MAPK4: variants seen among roughly 807,000 people sequenced by gnomAD.
The protein encoded by MAPK4 is Erk3-related.
Under a neutral mutation model 47.7 loss-of-function variants are expected in MAPK4, and 22 were observed. That is an observed-to-expected ratio of 0.46 (90% CI 0.33 to 0.66). The LOEUF (loss-of-function observed/expected upper bound fraction) is 0.66, where lower values mean the gene tolerates loss of function less well. Among genes scored for constraint, MAPK4 ranks in the 30% least tolerant of loss-of-function variants. The probability of loss-of-function intolerance (pLI) is 0.02; values close to 1 mark genes in which losing one functional copy is unlikely to be tolerated. For missense variants in MAPK4, 736 were observed against 831.7 expected, an observed-to-expected ratio of 0.88 and a Z score of 1.42; for synonymous variants, 390 against 365.7, an observed-to-expected ratio of 1.07 and a Z score of -0.76.
intron 2 of MAPK4, among the ~76,000 whole-genome samples, chr18:50,667,236 C>T (rs1477631918): frequency 6.6e-6 from 1 of 152,210 alleles, no homozygotes; most frequent in African/African-American, 2.4e-5. Context: ...AGTCCCTTGG[C>T]CCCTTGAAAG....
intron 1 of MAPK4, among the ~76,000 whole-genome samples, chr18:50,645,550 A>AT (rs1020277349): frequency 6.6e-6 from 1 of 151,704 alleles, no homozygotes; most frequent in Non-Finnish European, 1.5e-5. Context: ...TCTTATTTTA[A>AT]TTTTTTTTTC....
rs748756367 is a variant in MAPK4, at chr18:50,664,058, G to A, written c.100G>A (p.Val34Met). 2 of 1,613,860 alleles carry A rather than the reference G, an allele frequency of 1.2e-6. No homozygotes were observed. Among genetic ancestry groups the A allele is most frequent in the Admixed American group, 1.7e-5 (1 of 60,026 alleles). Reference sequence around the variant, plus strand: ...CCTGGGCTTCGGTGTCAATGGTTTGGTGCTGTCGGCCGTGGACAGCCGGGC... The same window carrying A: ...CCTGGGCTTCGGTGTCAATGGTTTGATGCTGTCGGCCGTGGACAGCCGGGC... ...QPLGFGVNGL[V>M]LSAVDSRACR... Residue 34 changes from valine to methionine, a missense_variant, in exon 2 of 6, where the codon GTG becomes ATG. Physicochemically the swap from Val to Met is conservative, Grantham distance 21 (BLOSUM62 1). This residue lies in a region of MAPK4 where 327 missense variants were observed against 395.4 expected (regional missense o/e 0.83). Coordinates refer to ENST00000400384, the MANE Select transcript of MAPK4 (RefSeq NM_002747.4). The surrounding 1 kb of genome is among the most constrained non-coding windows in gnomAD (Gnocchi z 6.0).
At chr18:50,602,180 G>A (rs1184536557) in intron 1 of MAPK4, among the ~76,000 whole-genome samples, 1 of 152,148 alleles carries the variant, frequency 6.6e-6, no homozygotes, top group African/African-American at 2.4e-5. Flanking sequence ...GATCTTCCCA[G>A]AGAGTCACCA....
rs149603895 is a variant in MAPK4, at chr18:50,632,373, T to C, written c.-870-30716T>C. Reference sequence around the variant, plus strand: ...CAAATAATTAGATTTGCAAAGTTCTTTTGTGTTATGTCAGAATCTGTCATT... The same window carrying C: ...CAAATAATTAGATTTGCAAAGTTCTCTTGTGTTATGTCAGAATCTGTCATT... On this transcript the variant is annotated intron_variant, in intron 1 of 5. Coordinates refer to ENST00000400384, the MANE Select transcript of MAPK4 (RefSeq NM_002747.4). Among the ~76,000 whole-genome samples, 685 of 152,276 alleles carry C rather than the reference T, an allele frequency of 4.5e-3. 7 individuals carry two copies. Among genetic ancestry groups the C allele is most frequent in the African/African-American group, 0.016 (651 of 41,544 alleles).
At chr18:50,717,610 T>C (rs1277853754) in intron 3 of MAPK4, among the ~76,000 whole-genome samples, 1 of 151,906 alleles carries the variant, frequency 6.6e-6, no homozygotes, top group African/African-American at 2.4e-5. Flanking sequence ...GTGGCCCTTC[T>C]AGTATCCCCT....
chr18:50,664,651 A>G lies in MAPK4; in HGVS notation c.546+147A>G, dbSNP rs1466453132. 3.3e-6 allele frequency: 3 copies of G among 900,168 alleles called. No homozygotes were observed. In the African/African-American group the frequency reaches 5.0e-5, roughly 15 times the overall value. 55.8% of individuals were successfully genotyped at this position (900,168 alleles called of 1,614,324 possible). A position where few individuals can be genotyped will look rare whatever the true frequency, so the allele number is the denominator to read the frequency against. On this transcript the variant is annotated intron_variant, in intron 2 of 5. Coordinates refer to ENST00000400384, the MANE Select transcript of MAPK4 (RefSeq NM_002747.4). This position sits in a 1 kb window ranked among gnomAD's most constrained non-coding sequence, Gnocchi z 6.0. ...GCTGGAGGGTGCTAGGAAGATCACT[A>G]GCCTGAAAAGTTGTTGGAGGCGTGG...
chr18:50,590,093 C>A (rs912724105), intron 1 of MAPK4, among the ~76,000 whole-genome samples: 1 of 152,172 alleles, frequency 6.6e-6, no homozygotes, highest in South Asian at 2.1e-4. Context: ...GATCCAGTTC[C>A]TCTATTTCAG....
intron 1 of MAPK4, among the ~76,000 whole-genome samples, chr18:50,649,595 C>T (rs552820223): frequency 6.6e-6 from 1 of 152,326 alleles, no homozygotes; most frequent in South Asian, 2.1e-4. Flanking sequence ...CGTAAGGAAG[C>T]TCTGTGCATG....
intron 2 of MAPK4, among the ~76,000 whole-genome samples, chr18:50,665,208 A>G (rs116525328): frequency 1.9e-3 from 293 of 152,244 alleles, no homozygotes; most frequent in African/African-American, 6.7e-3. Context: ...GCTGGAGACA[A>G]ATGTCACACT....
chr18:50,683,453 G>GGT (rs3045776), intron 2 of MAPK4, among the ~76,000 whole-genome samples: 12,929 of 142,138 alleles, frequency 0.091, 589 homozygotes, highest in African/African-American at 0.1. Flanking sequence ...TTGGTGATGG[G>GGT]GTGTGTGTGT....
Position 50,664,313 on chromosome 18 carries a change from G to A in MAPK4, c.355G>A (p.Gly119Ser). Residue 119 changes from glycine to serine, a missense_variant, in exon 2 of 6, where the codon GGC becomes AGC. Physicochemically the swap from Gly to Ser is moderately conservative, Grantham distance 56. This residue lies in a region of MAPK4 where 327 missense variants were observed against 395.4 expected (regional missense o/e 0.83). Coordinates refer to ENST00000400384, the MANE Select transcript of MAPK4 (RefSeq NM_002747.4). This position sits in a 1 kb window ranked among gnomAD's most constrained non-coding sequence, Gnocchi z 6.0. ...CGACCTGGCACGCCTGCTGGAGCAG[G>A]GCACGCTGGCAGAAGAGCATGCCAA... The part of the protein sequence containing the change: ...ETDLARLLEQ[G>S]TLAEEHAKLF... 1.2e-6 allele frequency: 2 copies of A among 1,613,652 alleles called. No homozygotes were observed. Among genetic ancestry groups the A allele is most frequent in the Non-Finnish European group, 1.7e-6 (2 of 1,179,934 alleles).
intron 1 of MAPK4, among the ~76,000 whole-genome samples, chr18:50,568,831 A>G (rs1470971976): frequency 6.6e-6 from 1 of 152,224 alleles, no homozygotes; most frequent in Non-Finnish European, 1.5e-5. Flanking sequence ...AGCTGTATCT[A>G]ATCTGTGGTT....
intron 2 of MAPK4, among the ~76,000 whole-genome samples, chr18:50,693,589 T>C (rs935852999): frequency 1.3e-5 from 2 of 152,352 alleles, no homozygotes; most frequent in Admixed American, 1.3e-4. Flanking sequence ...GATGTTCGAA[T>C]CTTGACCCTG....
chr18:50,707,617 G>A (rs973400343), intron 2 of MAPK4, among the ~76,000 whole-genome samples: 2 of 151,494 alleles, frequency 1.3e-5, no homozygotes, highest in Admixed American at 1.3e-4. Context: ...TGGTGGCGAT[G>A]GTTGTACAGC....
chr18:50,671,260 GCTACACACACCAGGGAC>G lies in MAPK4; in HGVS notation c.546+6760_546+6776del, dbSNP rs1907933706. 3.3e-5 allele frequency among the ~76,000 whole-genome samples: 5 copies of G among 152,164 alleles called. No homozygotes were observed. The South Asian group carries it at 1.0e-3, about 32-fold the overall frequency. Reference sequence around the variant, plus strand: ...CCCCATGGCACGAGTTTACTGGAAAGCTACACACACCAGGGACCTAAACCCATAGGAGGACTGTTTAT... The same window carrying G: ...CCCCATGGCACGAGTTTACTGGAAAGCTAAACCCATAGGAGGACTGTTTAT... On this transcript the variant is annotated intron_variant, in intron 2 of 5. Coordinates refer to ENST00000400384, the MANE Select transcript of MAPK4 (RefSeq NM_002747.4).
In MAPK4 at chr18:50,729,998, G is replaced by T; in HGVS notation, c.*144G>T. 1 of 854,362 alleles carries T rather than the reference G, an allele frequency of 1.2e-6. No individual in the cohort carries two copies. The highest frequency in any genetic ancestry group is 2.2e-5 in the South Asian group (1 of 45,064). The allele number at this position is 854,362 out of a possible 1,614,324, so 52.9% of individuals were successfully genotyped here. On this transcript the variant is annotated 3_prime_UTR_variant, in exon 6 of 6. Transcript: ENST00000400384. ...GAAGGATCCGAGGAGCGAGAGGAATGTCCATTTCTTAAACTGCCTTAATAA... is the reference window on the plus strand; with the variant it reads ...GAAGGATCCGAGGAGCGAGAGGAATTTCCATTTCTTAAACTGCCTTAATAA...
chr18:50,559,872 G>A (rs1378335229), upstream of MAPK4, among the ~76,000 whole-genome samples: 1 of 151,350 alleles, frequency 6.6e-6, no homozygotes, highest in Admixed American at 6.6e-5. Flanking sequence ...GACTGGGTCC[G>A]GGAAGGCCCC....
At chr18:50,633,561 C>A (rs919580666) in intron 1 of MAPK4, among the ~76,000 whole-genome samples, 1 of 152,192 alleles carries the variant, frequency 6.6e-6, no homozygotes, top group African/African-American at 2.4e-5. Flanking sequence ...TCTCAGGGGA[C>A]CTCTCTTTGC....
intron 1 of MAPK4, among the ~76,000 whole-genome samples, chr18:50,642,481 C>T (rs556749217): frequency 6.4e-4 from 98 of 152,258 alleles, no homozygotes; most frequent in African/African-American, 2.2e-3. Context: ...AACAACCACC[C>T]CAATATAGTT....
Sources: allele counts gnomAD v4.1 joint callset (sites outside exome capture counted in the v4.1 genomes callset), GRCh38; gene constraint gnomAD v4.1.1; regional missense constraint gnomAD v4.1.1; non-coding constraint Gnocchi (gnomAD v3.1); transcripts MANE v1.5; gene names NCBI Gene and HGNC (gene_info 2026-07-23, HGNC 2026-07-21).